Variants in KCNH8 observed in about 807,000 individuals in gnomAD.
KCNH8 encodes the protein voltage-gated delayed rectifier potassium channel KCNH8.
In KCNH8, 70 loss-of-function variants were observed where a neutral mutation model predicts 103.6. That is an observed-to-expected ratio of 0.68 (90% CI 0.56 to 0.82). The LOEUF (loss-of-function observed/expected upper bound fraction) is 0.82, where lower values mean the gene tolerates loss of function less well. Ranked by LOEUF, KCNH8 falls within the 40% of genes least tolerant of loss-of-function variation. The pLI is 0.00. For synonymous variants in KCNH8, 498 were observed against 489.4 expected (o/e 1.02, Z -0.23); for missense variants, 1,217 against 1,329.9 (o/e 0.92, Z 1.32).
At chr3:19,480,150 C>T (rs1237256259) in intron 11 of KCNH8, among the ~76,000 whole-genome samples, 2 of 152,180 alleles carry the variant, frequency 1.3e-5, no homozygotes, top group African/African-American at 2.4e-5. Context: ...CCTATCTTCC[C>T]TGGGCCACTG....
At chr3:19,159,215 C>T (rs1336121338) in intron 1 of KCNH8, among the ~76,000 whole-genome samples, 1 of 151,694 alleles carries the variant, frequency 6.6e-6, no homozygotes, top group Non-Finnish European at 1.5e-5. Context: ...ACTATCTTTG[C>T]ATCCCTTCAA....
intron 8 of KCNH8, among the ~76,000 whole-genome samples, chr3:19,441,515 C>G (rs983386069): frequency 3.9e-5 from 6 of 152,158 alleles, no homozygotes; most frequent in African/African-American, 1.4e-4. Context: ...AGTAACTTTC[C>G]CAATGCCACA....
chr3:19,400,231 C>CAAAAAAAAAAAAAAAAAAAAAA lies in KCNH8; in HGVS notation c.1177+4923_1177+4944dup, dbSNP rs11422314. On this transcript the variant is annotated intron_variant, in intron 7 of 15. Coordinates refer to ENST00000328405, the MANE Select transcript of KCNH8 (RefSeq NM_144633.3). ...CCCTACCAGATACGATGTTAGCCAG[C>CAAAAAAAAAAAAAAAAAAAAAA]AAAAAAAAAAAAAAAAAAAAAAAAG... Among the ~76,000 whole-genome samples the CAAAAAAAAAAAAAAAAAAAAAA allele has an allele frequency of 3.8e-5, 2 of 53,108 alleles. 1 individual carries two copies. Among genetic ancestry groups the CAAAAAAAAAAAAAAAAAAAAAA allele is most frequent in the Non-Finnish European group, 6.6e-5 (2 of 30,178 alleles). 34.8% of individuals were successfully genotyped at this position (53,108 alleles called of 152,430 possible). A position where few individuals can be genotyped will look rare whatever the true frequency, so the allele number is the denominator to read the frequency against.
At chr3:19,284,618 TA>T (rs1269719051) in intron 3 of KCNH8, among the ~76,000 whole-genome samples, 1 of 151,700 alleles carries the variant, frequency 6.6e-6, no homozygotes, top group African/African-American at 2.4e-5. Flanking sequence ...TTACCACCTT[TA>T]AAACTACCTT....
intron 7 of KCNH8, among the ~76,000 whole-genome samples, chr3:19,409,483 C>T (rs2066743189): frequency 6.6e-6 from 1 of 152,242 alleles, no homozygotes; most frequent in East Asian, 1.9e-4. Context: ...GAACAGCTAA[C>T]AACTTCATGA....
chr3:19,306,822 A>G (rs1396515371), intron 3 of KCNH8, among the ~76,000 whole-genome samples: 2 of 152,092 alleles, frequency 1.3e-5, no homozygotes, highest in Non-Finnish European at 2.9e-5. Flanking sequence ...ATTAAATAGT[A>G]TAGATTTATA....
At chr3:19,341,608 T>C (rs1052101612) in intron 3 of KCNH8, among the ~76,000 whole-genome samples, 7 of 152,110 alleles carry the variant, frequency 4.6e-5, no homozygotes, top group African/African-American at 1.7e-4. Context: ...CAAAGAGCTA[T>C]TGCAAATAAA....
At chr3:19,397,943 G>A (rs549636149) in intron 7 of KCNH8, among the ~76,000 whole-genome samples, 2 of 151,806 alleles carry the variant, frequency 1.3e-5, no homozygotes, top group Admixed American at 6.6e-5. Context: ...TAGAGTCTAC[G>A]CTACTTTAAT....
At chr3:19,211,537 C>T (rs926810190) in intron 1 of KCNH8, among the ~76,000 whole-genome samples, 4 of 152,132 alleles carry the variant, frequency 2.6e-5, no homozygotes, top group Non-Finnish European at 5.9e-5. Flanking sequence ...GTTGAACCAT[C>T]AGTGAGAAAG....
At chr3:19,422,803 A>C (rs1346070447) in intron 7 of KCNH8, among the ~76,000 whole-genome samples, 2 of 152,138 alleles carry the variant, frequency 1.3e-5, no homozygotes, top group East Asian at 3.8e-4. Context: ...ACCTATAGGC[A>C]GATAACCAGA....
intron 1 of KCNH8, among the ~76,000 whole-genome samples, chr3:19,180,258 GGCCC>G (rs1480258370): frequency 8.2e-3 from 66 of 8,020 alleles, no homozygotes; most frequent in African/African-American, 0.022. Context: ...AGACAGACTT[GGCCC>G]TTCAAAGGGC....
At chr3:19,424,028 A>G (rs1378715974) in intron 7 of KCNH8, among the ~76,000 whole-genome samples, 12 of 152,140 alleles carry the variant, frequency 7.9e-5, no homozygotes, top group Admixed American at 7.9e-4. Flanking sequence ...GAAAATGACC[A>G]TATTGCCAAA....
chr3:19,232,031 A>G (rs1325416371), intron 1 of KCNH8, among the ~76,000 whole-genome samples: 2 of 152,178 alleles, frequency 1.3e-5, no homozygotes, highest in Non-Finnish European at 2.9e-5. Flanking sequence ...TTGCTTTCAC[A>G]ATCTTTGAAT....
chr3:19,455,394 A>G (rs1369438428), intron 10 of KCNH8, among the ~76,000 whole-genome samples: 1 of 152,148 alleles, frequency 6.6e-6, no homozygotes, highest in African/African-American at 2.4e-5. Context: ...GATGCATCCC[A>G]TCACCTTATG....
chr3:19,472,526 C>T (rs576649192), intron 11 of KCNH8, among the ~76,000 whole-genome samples: 2 of 152,256 alleles, frequency 1.3e-5, no homozygotes, highest in East Asian at 1.9e-4. Flanking sequence ...CTGCTGCCAT[C>T]CATGTAAGAT....
chr3:19,202,574 C>T (rs1354005392), intron 1 of KCNH8, among the ~76,000 whole-genome samples: 2 of 152,018 alleles, frequency 1.3e-5, no homozygotes, highest in Admixed American at 1.3e-4. Context: ...TGCCAAGCCA[C>T]CAATGATTGC....
chr3:19,463,919 T>G (rs1272227103), intron 11 of KCNH8, among the ~76,000 whole-genome samples: 1 of 152,118 alleles, frequency 6.6e-6, no homozygotes, highest in African/African-American at 2.4e-5. Flanking sequence ...TATGTAAGTA[T>G]GTAAAATGTA....
rs181896018 is a variant in KCNH8, at chr3:19,460,814, T to C, written c.2040+3832T>C. Among the ~76,000 whole-genome samples the C allele has an allele frequency of 3.2e-3, 491 of 152,258 alleles. 5 individuals carry two copies. The highest frequency in any genetic ancestry group is 0.011 in the African/African-American group (438 of 41,556). On this transcript the variant is annotated intron_variant, in intron 11 of 15. Coordinates refer to ENST00000328405, the MANE Select transcript of KCNH8 (RefSeq NM_144633.3). ...CATGGGGGCAGTTTCGCTCATCCTGTTCTTGTGATAGTGAGTTAATTCTCA... is the reference window on the plus strand; with the variant it reads ...CATGGGGGCAGTTTCGCTCATCCTGCTCTTGTGATAGTGAGTTAATTCTCA...
chr3:19,407,678 A>T (rs905495249), intron 7 of KCNH8, among the ~76,000 whole-genome samples: 1 of 152,092 alleles, frequency 6.6e-6, no homozygotes. Context: ...GTCCAGGCAG[A>T]TCCTGAGGCA....
Sources: allele counts gnomAD v4.1 joint callset (sites outside exome capture counted in the v4.1 genomes callset), GRCh38; gene constraint gnomAD v4.1.1; transcripts MANE v1.5; gene names NCBI Gene and HGNC (gene_info 2026-07-23, HGNC 2026-07-21).